The following RAI1 variants were observed in gnomAD, a reference collection of about 807,000 sequenced individuals.
RAI1 encodes the protein retinoic acid induced 1.
RAI1 carries 9 observed loss-of-function variants against 123.8 expected under a neutral mutation model. The ratio of observed to expected loss-of-function variants is 0.07; its 90% CI spans 0.04 to 0.13. The LOEUF is 0.13. Among genes scored for constraint, RAI1 ranks in the 10% least tolerant of loss-of-function variants. RAI1 has a pLI of 1.00. For synonymous variants in RAI1, 1,231 were observed against 1,127.3 expected (o/e 1.09, Z -1.84); for missense variants, 2,256 against 2,545.8 (o/e 0.89, Z 2.45).
chr17:17,760,147 G>C (rs936003466), intron 2 of RAI1, among the ~76,000 whole-genome samples: 6 of 152,214 alleles, frequency 3.9e-5, no homozygotes, highest in South Asian at 2.1e-4. Context: ...AGCCCTGGGG[G>C]AAAGACAGAC....
In RAI1 at chr17:17,795,385, G is replaced by A. The variant is rs1216544867; in HGVS notation, c.2437G>A (p.Glu813Lys). The change falls in exon 3 of 6, where the codon GAG becomes AAG. Residue 813 changes from glutamate to lysine, a missense_variant. Around this residue, in one of 7 missense-constraint regions of RAI1, gnomAD observed 566 missense variants for 616.0 expected, o/e 0.92. Transcript: ENST00000353383. The surrounding 1 kb of genome is among the most constrained non-coding windows in gnomAD (Gnocchi z 5.9). Reference protein sequence around the residue: ...VASLPGDFKQEEVGGVKEEAG... With the variant: ...VASLPGDFKQKEVGGVKEEAG... ...CTCGTTGCCCGGGGACTTCAAGCAG[G>A]AGGAGGTGGGTGGGGTGAAGGAGGA... The A allele has an allele frequency of 1.3e-6, 2 of 1,593,970 alleles. No individual in the cohort carries two copies. Among genetic ancestry groups the A allele is most frequent in the Non-Finnish European group, 1.7e-6 (2 of 1,168,214 alleles).
Position 17,810,034 on chromosome 17 carries a change from G to GC in RAI1, c.*55dup. Reference sequence around the variant, plus strand: ...GCCGGAGCCCGCCTGCCCGCCCGCCGCCGAAGGAGAGGAGCCGCCTGCGCA... The same window carrying GC: ...GCCGGAGCCCGCCTGCCCGCCCGCCGCCCGAAGGAGAGGAGCCGCCTGCGCA... On this transcript the variant is annotated 3_prime_UTR_variant, in exon 6 of 6. Coordinates refer to ENST00000353383, the MANE Select transcript of RAI1 (RefSeq NM_030665.4). This position sits in a 1 kb window ranked among gnomAD's most constrained non-coding sequence, Gnocchi z 4.6. 1 of 1,542,478 alleles carries GC rather than the reference G, an allele frequency of 6.5e-7. No individual in the cohort carries two copies.
At chr17:17,732,223 C>T (rs911377886) in intron 2 of RAI1, among the ~76,000 whole-genome samples, 1 of 152,134 alleles carries the variant, frequency 6.6e-6, no homozygotes, top group Non-Finnish European at 1.5e-5. Flanking sequence ...AGTGAGCCTG[C>T]GGCTAAACCC....
At position 17,794,115 on chromosome 17, in the gene RAI1, C is replaced by G. The variant is rs2032137716; in HGVS notation, c.1167C>G (p.His389Gln). ...TGAFPAGITD[H>Q]SHFMPLLNPS... is the part of the protein sequence containing the mutation. Reference sequence around the variant, plus strand: ...CCTTCCCCGCAGGGATCACTGACCACAGCCACTTCATGCCCCTGCTCAATC... The same window carrying G: ...CCTTCCCCGCAGGGATCACTGACCAGAGCCACTTCATGCCCCTGCTCAATC... Residue 389 changes from histidine (H) to glutamine (Q), a missense_variant, in exon 3 of 6, where the codon CAC becomes CAG. Around this residue, in one of 7 missense-constraint regions of RAI1, gnomAD observed 357 missense variants for 480.2 expected, o/e 0.74. Coordinates refer to ENST00000353383, the MANE Select transcript of RAI1 (RefSeq NM_030665.4). The G allele has an allele frequency of 6.2e-6, 10 of 1,614,020 alleles. No individual in the cohort carries two copies. The highest frequency in any genetic ancestry group is 6.8e-6 in the Non-Finnish European group (8 of 1,180,060).
At chr17:17,740,175 C>T (rs1916574286) in intron 2 of RAI1, among the ~76,000 whole-genome samples, 1 of 152,188 alleles carries the variant, frequency 6.6e-6, no homozygotes, top group Non-Finnish European at 1.5e-5. Context: ...CTTGGGAGAC[C>T]CTTGGGCTTC....
intron 1 of RAI1, among the ~76,000 whole-genome samples, chr17:17,696,402 C>T (rs893338333): frequency 1.3e-5 from 2 of 152,296 alleles, no homozygotes; most frequent in South Asian, 2.1e-4. Context: ...TTCCCTCAAC[C>T]CCCCCACCAC....
intron 2 of RAI1, among the ~76,000 whole-genome samples, chr17:17,783,541 G>A (rs565153078): frequency 2.0e-5 from 3 of 152,284 alleles, no homozygotes; most frequent in Admixed American, 6.5e-5. Flanking sequence ...GTTGCAGAGG[G>A]GCGGAGAGGC....
chr17:17,686,609 GCA>G (rs1427987995), intron 1 of RAI1, among the ~76,000 whole-genome samples: 1 of 134,614 alleles, frequency 7.4e-6, no homozygotes, highest in Non-Finnish European at 1.6e-5. Context: ...GTGTGTGTGT[GCA>G]CGCGCGCGCC....
chr17:17,727,028 T>G (rs1158001536), intron 2 of RAI1, among the ~76,000 whole-genome samples: 1 of 152,246 alleles, frequency 6.6e-6, no homozygotes, highest in Non-Finnish European at 1.5e-5. Context: ...ATTCTGGATG[T>G]TCCTGATGAA....
Position 17,797,993 on chromosome 17 carries a change from C to G in RAI1, c.5045C>G (p.Thr1682Ser). The change falls in exon 3 of 6, where the codon ACC becomes AGC. Residue 1682 changes from threonine (T) to serine (S), a missense_variant. Coordinates refer to ENST00000353383, the MANE Select transcript of RAI1 (RefSeq NM_030665.4). ...CCTGTGGTTTCCAAGGCCCTGAGTA[C>G]CTCTTGCCTTGTTTGCTGCCTCTGC... ...LGPVVSKALS[T>S]SCLVCCLCQN... The G allele has an allele frequency of 6.2e-7, 1 of 1,614,140 alleles. No individual in the cohort carries two copies. Among genetic ancestry groups the G allele is most frequent in the Non-Finnish European group, 8.5e-7 (1 of 1,180,036 alleles).
chr17:17,747,038 A>C (rs143034465), intron 2 of RAI1, among the ~76,000 whole-genome samples: 2,813 of 152,260 alleles, frequency 0.018, 84 homozygotes, highest in African/African-American at 0.064. Context: ...CATAATGATT[A>C]ATTCATCGCC....
At chr17:17,802,976 C>T (rs1486346864) in intron 3 of RAI1, among the ~76,000 whole-genome samples, 1 of 151,026 alleles carries the variant, frequency 6.6e-6, no homozygotes, top group African/African-American at 2.4e-5. Flanking sequence ...CCCAGCTACT[C>T]GGGAGGCTAA....
rs1393550357 is a variant in RAI1 at position 17,685,108 on chromosome 17, C to T, written c.-149+3315C>T. Reference sequence around the variant, plus strand: ...GGCAGCCCATGTTTGAAATGCATTGCTTTCCACAGCTGCCTGTGGCCATGG... The same window carrying T: ...GGCAGCCCATGTTTGAAATGCATTGTTTTCCACAGCTGCCTGTGGCCATGG... On this transcript the variant is annotated intron_variant, in intron 1 of 5. Transcript: ENST00000353383. This position sits in a 1 kb window ranked among gnomAD's most constrained non-coding sequence, Gnocchi z 4.0. 1 of 152,258 alleles carries T rather than the reference C, an allele frequency of 6.6e-6. No individual in the cohort carries two copies. The highest frequency in any genetic ancestry group is 1.5e-5 in the Non-Finnish European group (1 of 68,052). 9.4% of individuals were successfully genotyped at this position (152,258 alleles called of 1,614,324 possible). A position where few individuals can be genotyped will look rare whatever the true frequency, so the allele number is the denominator to read the frequency against.
In RAI1 at chr17:17,809,579, GCC is replaced by G. The variant is rs1450008239; in HGVS notation, c.5709+142_5709+143del. The G allele has an allele frequency of 1.1e-6, 1 of 904,456 alleles. No individual in the cohort carries two copies. Among genetic ancestry groups the G allele is most frequent in the Non-Finnish European group, 1.7e-6 (1 of 593,428 alleles). The allele number at this position is 904,456 out of a possible 1,614,324, so 56.0% of individuals were successfully genotyped here. On this transcript the variant is annotated intron_variant, in intron 5 of 5. Transcript: ENST00000353383. The surrounding 1 kb of genome is among the most constrained non-coding windows in gnomAD (Gnocchi z 4.9). ...AGCCCTAGGGGAGGGAGCTCTCCCC[GCC>G]CACCCCCAGGAGCCCCCGCCGCCGT... is the stretch of plus-strand genomic sequence containing the variant.
chr17:17,794,028 G>A lies in RAI1; in HGVS notation c.1080G>A (p.Pro360=), dbSNP rs759974602. The A allele has an allele frequency of 1.2e-5, 19 of 1,613,830 alleles. No individual in the cohort carries two copies. The highest frequency in any genetic ancestry group is 1.1e-4 in the East Asian group (5 of 44,862). The change falls in exon 3 of 6, where the codon CCG becomes CCA. Residue 360 remains proline (P), a synonymous_variant. Coordinates refer to ENST00000353383, the MANE Select transcript of RAI1 (RefSeq NM_030665.4). ...GCTCACCTTCCTACAGTTCCACACC[G>A]TCGCCGCTGATGCCAAACCTGGAGA... The part of the protein sequence containing the change: ...VGRSPSYSST[P]SPLMPNLENF...
chr17:17,741,129 G>A (rs574686650), intron 2 of RAI1, among the ~76,000 whole-genome samples: 22 of 151,734 alleles, frequency 1.4e-4, no homozygotes, highest in African/African-American at 4.6e-4. Flanking sequence ...ACGCACACAC[G>A]CACGCTCACA....
chr17:17,727,234 CA>C (rs1916123745), intron 2 of RAI1, among the ~76,000 whole-genome samples: 1 of 152,212 alleles, frequency 6.6e-6, no homozygotes, highest in Non-Finnish European at 1.5e-5. Flanking sequence ...AGAGCCTTGG[CA>C]ATGAATCACC....
intron 2 of RAI1, among the ~76,000 whole-genome samples, chr17:17,792,514 T>C (rs2032052858): frequency 6.6e-6 from 1 of 150,522 alleles, no homozygotes; most frequent in Non-Finnish European, 1.5e-5. Flanking sequence ...CTAAATGCTT[T>C]TGAGCTGTCA....
Position 17,795,887 on chromosome 17 carries a change from C to T in RAI1, c.2939C>T (p.Ala980Val), listed in dbSNP as rs369566622. The change falls in exon 3 of 6, where the codon GCT (alanine) becomes GTT (valine). Residue 980 changes from alanine (A) to valine (V), a missense_variant. Coordinates refer to ENST00000353383, the MANE Select transcript of RAI1 (RefSeq NM_030665.4). This position sits in a 1 kb window ranked among gnomAD's most constrained non-coding sequence, Gnocchi z 5.9. ...CTGGCCCAGAAGCCCAACAAGCCTG[C>T]TGTGCCCGAGGCGCCCATCGCAAAG... ...ASLAQKPNKP[A>V]VPEAPIAKKE... The T allele has an allele frequency of 6.2e-7, 1 of 1,612,184 alleles. No homozygotes were observed. Among genetic ancestry groups the T allele is most frequent in the South Asian group, 1.1e-5 (1 of 91,092 alleles).
Sources: allele counts gnomAD v4.1 joint callset (sites outside exome capture counted in the v4.1 genomes callset), GRCh38; gene constraint gnomAD v4.1.1; regional missense constraint gnomAD v4.1.1; non-coding constraint Gnocchi (gnomAD v3.1); transcripts MANE v1.5; gene names NCBI Gene and HGNC (gene_info 2026-07-23, HGNC 2026-07-21).